ROBO2: variants seen among roughly 807,000 people sequenced by gnomAD.
ROBO2 encodes roundabout guidance receptor 2, also known as roundabout homolog 2.
ROBO2 carries 53 observed loss-of-function variants against 160.8 expected under a neutral mutation model. The observed-to-expected ratio is 0.33, with a 90% CI of 0.26 to 0.41. The LOEUF (loss-of-function observed/expected upper bound fraction) is 0.41. Among genes scored for constraint, ROBO2 ranks in the 10% least tolerant of loss-of-function variants. The pLI is 1.00. For synonymous variants in ROBO2, 664 were observed against 611.7 expected, an observed-to-expected ratio of 1.09 and a Z score of -1.26; for missense variants, 1,577 against 1,722.4, an observed-to-expected ratio of 0.92 and a Z score of 1.49.
chr3:76,530,469 C>T (rs1469303546), intron 2 of ROBO2, among the ~76,000 whole-genome samples: 1 of 152,134 alleles, frequency 6.6e-6, no homozygotes, highest in Non-Finnish European at 1.5e-5. Context: ...ACTATGTTCT[C>T]CCTCCTGTGT....
At chr3:76,771,741 T>A (rs983037552) in intron 2 of ROBO2, among the ~76,000 whole-genome samples, 59 of 151,368 alleles carry the variant, frequency 3.9e-4, no homozygotes, top group Non-Finnish European at 6.7e-4. Context: ...ATTTTAAAAT[T>A]TGCTTTTAGT....
At chr3:77,179,988 T>A (rs928863668) in intron 2 of ROBO2, among the ~76,000 whole-genome samples, 6 of 152,094 alleles carry the variant, frequency 3.9e-5, no homozygotes, top group African/African-American at 7.2e-5. Context: ...AACCCTGGGC[T>A]GTGTTTGAGA....
chr3:76,998,626 G>T (rs962543880), intron 2 of ROBO2, among the ~76,000 whole-genome samples: 1 of 152,018 alleles, frequency 6.6e-6, no homozygotes, highest in Non-Finnish European at 1.5e-5. Flanking sequence ...TAAACAAAAT[G>T]GTATTTCCTT....
intron 2 of ROBO2, among the ~76,000 whole-genome samples, chr3:76,947,980 T>C (rs956399561): frequency 3.3e-5 from 5 of 152,198 alleles, no homozygotes; most frequent in Admixed American, 3.3e-4. Flanking sequence ...TCAGAACGTC[T>C]GAATAGGATA....
intron 2 of ROBO2, among the ~76,000 whole-genome samples, chr3:75,981,647 A>G (rs936738934): frequency 1.3e-5 from 2 of 151,314 alleles, no homozygotes; most frequent in East Asian, 1.9e-4. Flanking sequence ...TTGTGGGTAC[A>G]TAGTAGGTGT....
At chr3:76,083,851 T>C (rs1399315782) in intron 2 of ROBO2, among the ~76,000 whole-genome samples, 1 of 152,176 alleles carries the variant, frequency 6.6e-6, no homozygotes, top group Non-Finnish European at 1.5e-5. Context: ...CAAAATTCCA[T>C]TATGGCAATC....
intron 2 of ROBO2, among the ~76,000 whole-genome samples, chr3:76,836,890 A>C (rs2109434851): frequency 6.6e-6 from 1 of 151,954 alleles, no homozygotes; most frequent in East Asian, 1.9e-4. Context: ...AATATCAATT[A>C]GGTCGATTTG....
At chr3:77,361,487 A>T (rs983176943) in intron 2 of ROBO2, among the ~76,000 whole-genome samples, 3 of 152,136 alleles carry the variant, frequency 2.0e-5, no homozygotes, top group Admixed American at 2.0e-4. Context: ...TATAAGAAAG[A>T]CCTTAGGCTG....
At chr3:75,925,210 T>G (rs1947240142) in intron 1 of ROBO2, among the ~76,000 whole-genome samples, 1 of 151,754 alleles carries the variant, frequency 6.6e-6, no homozygotes, top group African/African-American at 2.4e-5. Context: ...CCGGGCAACA[T>G]GGTGAAACCC....
At chr3:77,008,120 AT>A (rs2061678407) in intron 2 of ROBO2, among the ~76,000 whole-genome samples, 1 of 152,082 alleles carries the variant, frequency 6.6e-6, no homozygotes. Flanking sequence ...CTATATTAAA[AT>A]TATAAAATCA....
intron 2 of ROBO2, among the ~76,000 whole-genome samples, chr3:77,427,380 G>T (rs1216775688): frequency 6.6e-6 from 1 of 152,144 alleles, no homozygotes; most frequent in Non-Finnish European, 1.5e-5. Context: ...CTTAAAATGG[G>T]TGCAATTGCT....
intron 2 of ROBO2, among the ~76,000 whole-genome samples, chr3:77,473,086 ATGCGGT>A (rs2083518231): frequency 1.3e-5 from 2 of 152,048 alleles, no homozygotes; most frequent in South Asian, 4.1e-4. Context: ...GTGCGACGAG[ATGCGGT>A]TGGTTTTATA....
chr3:76,729,641 T>C (rs1197240755), intron 2 of ROBO2, among the ~76,000 whole-genome samples: 18 of 56,850 alleles, frequency 3.2e-4, no homozygotes, highest in South Asian at 9.5e-4. Flanking sequence ...CTCTCTCTCT[T>C]TTTTTTTTTT....
chr3:77,598,276 T>C (rs2094351039), intron 19 of ROBO2, among the ~76,000 whole-genome samples: 1 of 151,748 alleles, frequency 6.6e-6, no homozygotes, highest in South Asian at 2.1e-4. Flanking sequence ...TGACTATATT[T>C]GAAGTTGTAT....
intron 2 of ROBO2, among the ~76,000 whole-genome samples, chr3:76,180,910 C>G (rs112379405): frequency 0.41 from 63,023 of 151,888 alleles, 13,588 homozygotes; most frequent in Middle Eastern, 0.51. Context: ...CCCACCTTCC[C>G]ACTCTCCCCT....
intron 2 of ROBO2, among the ~76,000 whole-genome samples, chr3:77,126,851 C>T (rs2075374368): frequency 7.7e-6 from 1 of 129,434 alleles, no homozygotes; most frequent in Non-Finnish European, 1.5e-5. Context: ...TGCAGTGGTG[C>T]AATCTCGGCT....
At position 76,157,340 on chromosome 3, in the gene ROBO2, G is replaced by A. The variant is rs555470700; in HGVS notation, c.109+219738G>A. On this transcript the variant is annotated intron_variant, in intron 2 of 26. Coordinates refer to the ROBO2 transcript ENST00000487694. ...GTGGGGGCACCTAAGAGATTTGTGG[G>A]TCACTTTGGCCGGGAAGCAGACTAA... Among the ~76,000 whole-genome samples, 8 of 152,198 alleles carry A rather than the reference G, an allele frequency of 5.3e-5. No homozygotes were observed. The South Asian group carries it at 8.3e-4, about 16-fold the overall frequency.
chr3:76,911,497 T>C (rs2075990217), intron 2 of ROBO2, among the ~76,000 whole-genome samples: 1 of 152,158 alleles, frequency 6.6e-6, no homozygotes, highest in Admixed American at 6.5e-5. Context: ...GATCAAGTGA[T>C]GAAGAAACTA....
At chr3:76,060,096 C>G (rs2068018266) in intron 2 of ROBO2, among the ~76,000 whole-genome samples, 1 of 116,172 alleles carries the variant, frequency 8.6e-6, no homozygotes, top group Non-Finnish European at 1.7e-5. Flanking sequence ...CCAACAGAAT[C>G]AGCTAGAAAA....
Sources: allele counts gnomAD v4.1 joint callset (sites outside exome capture counted in the v4.1 genomes callset), GRCh38; gene constraint gnomAD v4.1.1; transcripts MANE v1.5; gene names NCBI Gene and HGNC (gene_info 2026-07-23, HGNC 2026-07-21).